The following ZNF469 variants were observed in gnomAD, a reference collection of about 807,000 sequenced individuals.
The protein encoded by ZNF469 is zinc finger protein 469.
Under a neutral mutation model 1.0 loss-of-function variants are expected in ZNF469, and 1 was observed. The ratio of observed to expected loss-of-function variants is 1.00; its 90% CI spans 0.35 to 4.73. ZNF469 has a LOEUF of 4.73. Ranked by LOEUF, ZNF469 falls within the 30% of genes most tolerant of loss-of-function variation. The pLI is 0.16. For missense variants in ZNF469, 6,100 were observed against 5,356.3 expected (o/e 1.14, Z -4.33); for synonymous variants, 2,703 against 2,363.4 (o/e 1.14, Z -4.17).
chr16:88,161,792 G>A, the ZNF469 span, among the ~76,000 whole-genome samples: 7 of 152,200 alleles, frequency 4.6e-5, no homozygotes, highest in African/African-American at 1.7e-4. Flanking sequence ...AGCCGAGGAA[G>A]CCAGATGACG....
At chr16:88,232,334 A>G in the ZNF469 span, among the ~76,000 whole-genome samples, 3 of 152,072 alleles carry the variant, frequency 2.0e-5, no homozygotes, top group Admixed American at 1.3e-4. Context: ...CCCCCACCCA[A>G]TACGGCTGGT....
chr16:88,148,865 G>GC, the ZNF469 span, among the ~76,000 whole-genome samples: 1 of 152,172 alleles, frequency 6.6e-6, no homozygotes, highest in Non-Finnish European at 1.5e-5. Flanking sequence ...GACCTCTTGT[G>GC]CCGGGGGGTT....
rs1268838933 is a variant in ZNF469 at position 88,438,404 on chromosome 16, A to G, written c.10934A>G (p.Gln3645Arg). Residue 3645 changes from glutamine (Q) to arginine (R), a missense_variant, in exon 3 of 3, where the codon CAG becomes CGG. Transcript: ENST00000565624. ...CATTTCCAGGAAGACCACCTACTTC[A>G]GAAAGAGAAGGAGGTGTCCTCAAGC... ...PDHFQEDHLL[Q>R]KEKEVSSSHM... 5 of 1,549,992 alleles carry G rather than the reference A, an allele frequency of 3.2e-6. No individual in the cohort carries two copies. The highest frequency in any genetic ancestry group is 4.4e-6 in the Non-Finnish European group (5 of 1,146,954).
At chr16:88,184,933 G>T in the ZNF469 span, among the ~76,000 whole-genome samples, 1 of 151,902 alleles carries the variant, frequency 6.6e-6, no homozygotes, top group South Asian at 2.1e-4. Flanking sequence ...GTTATGCACA[G>T]ACCCTCACAC....
chr16:88,201,824 C>T, the ZNF469 span, among the ~76,000 whole-genome samples: 6 of 152,334 alleles, frequency 3.9e-5, no homozygotes, highest in East Asian at 1.9e-4. This position sits in a 1 kb window ranked among gnomAD's most constrained non-coding sequence, Gnocchi z 5.0. Context: ...TTCCCTAAGG[C>T]GCCGGCTGCT....
At chr16:88,371,124 C>T in the ZNF469 span, among the ~76,000 whole-genome samples, 41 of 152,378 alleles carry the variant, frequency 2.7e-4, no homozygotes, top group South Asian at 2.1e-3. Flanking sequence ...AATCTAGTTA[C>T]TGTTTAAGCT....
chr16:88,126,546 C>G, the ZNF469 span, among the ~76,000 whole-genome samples: 37 of 136,640 alleles, frequency 2.7e-4, no homozygotes, highest in African/African-American at 9.4e-4. Context: ...CCACAATGAT[C>G]TTATTGTTTT....
the ZNF469 span, among the ~76,000 whole-genome samples, chr16:88,241,230 G>A: frequency 1.3e-5 from 2 of 151,978 alleles, no homozygotes; most frequent in Admixed American, 6.6e-5. The surrounding 1 kb of genome is among the most constrained non-coding windows in gnomAD (Gnocchi z 4.8). Context: ...GTCATGGCAC[G>A]CACCTGTAAT....
the ZNF469 span, among the ~76,000 whole-genome samples, chr16:88,135,088 C>A: frequency 2.0e-5 from 3 of 152,244 alleles, no homozygotes; most frequent in Non-Finnish European, 4.4e-5. Flanking sequence ...GCAGAAGGGG[C>A]TCCTGACCAC....
the ZNF469 span, among the ~76,000 whole-genome samples, chr16:88,288,646 G>A: frequency 6.6e-6 from 1 of 152,212 alleles, no homozygotes; most frequent in South Asian, 2.1e-4. Flanking sequence ...GAATGCTGGA[G>A]CTAGACGGGA....
At position 88,431,895 on chromosome 16, in the gene ZNF469, C is replaced by G. The variant is rs1411336902; in HGVS notation, c.4425C>G (p.Asn1475Lys). The change falls in exon 3 of 3, where the codon AAC becomes AAG. Residue 1475 changes from asparagine (N) to lysine (K), a missense_variant. Transcript: ENST00000565624. ...DPPLYGSLSA[N>K]RDSGLPFACA... is the part of the protein sequence containing the mutation. ...CCCTCTATGGCAGCCTGTCTGCGAA[C>G]AGGGACTCCGGTCTGCCGTTCGCAT... The G allele has an allele frequency of 3.2e-6, 5 of 1,549,884 alleles. No individual in the cohort carries two copies. The East Asian group carries it at 9.8e-5, about 30-fold the overall frequency.
chr16:88,174,044 A>G, the ZNF469 span, among the ~76,000 whole-genome samples: 1 of 152,210 alleles, frequency 6.6e-6, no homozygotes, highest in East Asian at 1.9e-4. Flanking sequence ...CAAATTATGA[A>G]CAACAATTGT....
chr16:88,134,017 C>A, the ZNF469 span, among the ~76,000 whole-genome samples: 3 of 152,082 alleles, frequency 2.0e-5, no homozygotes, highest in African/African-American at 4.8e-5. Flanking sequence ...ATCAATAGAA[C>A]CCCCCCGGAG....
the ZNF469 span, among the ~76,000 whole-genome samples, chr16:88,268,591 A>G: frequency 2.6e-5 from 4 of 152,192 alleles, no homozygotes; most frequent in Admixed American, 6.5e-5. Context: ...CAGGAAGAAC[A>G]TGCAGGGGTC....
At position 88,430,398 on chromosome 16, in the gene ZNF469, C is replaced by T. The variant is rs1254393629; in HGVS notation, c.2928C>T (p.Ser976=). 7.9e-6 allele frequency: 12 copies of T among 1,519,402 alleles called. No homozygotes were observed. In the Admixed American group the frequency reaches 1.6e-4, roughly 20 times the overall value. The allele number at this position is 1,519,402 out of a possible 1,614,324, so 94.1% of individuals were successfully genotyped here. A position where few individuals can be genotyped will look rare whatever the true frequency, so the allele number is the denominator to read the frequency against. The change falls in exon 3 of 3, where the codon TCC becomes TCT. Residue 976 remains serine (S), a synonymous_variant. Coordinates refer to ENST00000565624, the MANE Select transcript of ZNF469 (RefSeq NM_001367624.2). ...GSGSGGGGRA[S]GLRPRRNDGL... ...GGTCGGGCGGCGGCGGCAGAGCCTC[C>T]GGCCTGAGGCCCCGGAGGAACGACG...
chr16:88,439,655 C>T lies in ZNF469; in HGVS notation c.*323C>T. On this transcript the variant is annotated 3_prime_UTR_variant, in exon 3 of 3. Transcript: ENST00000565624. Reference sequence around the variant, plus strand: ...CCCACACCCCTGCGCCCTGTGGGCACCGACACCACAGAAGCCAATGTTTGG... The same window carrying T: ...CCCACACCCCTGCGCCCTGTGGGCATCGACACCACAGAAGCCAATGTTTGG... The T allele has an allele frequency of 1.3e-5, 5 of 370,604 alleles. No homozygotes were observed. The East Asian group carries it at 1.7e-4, about 13-fold the overall frequency. 23.0% of individuals were successfully genotyped at this position (370,604 alleles called of 1,614,324 possible).
the ZNF469 span, among the ~76,000 whole-genome samples, chr16:88,144,149 G>C: frequency 6.6e-6 from 1 of 152,214 alleles, no homozygotes; most frequent in Non-Finnish European, 1.5e-5. Context: ...GCAGAGGCTT[G>C]GTCCAGCCTG....
At chr16:88,341,568 C>A in the ZNF469 span, among the ~76,000 whole-genome samples, 1 of 152,342 alleles carries the variant, frequency 6.6e-6, no homozygotes, top group Admixed American at 6.5e-5. Context: ...AAGCAGGCAC[C>A]TGGGTTCCTA....
chr16:88,214,211 G>A, the ZNF469 span, among the ~76,000 whole-genome samples: 6 of 152,172 alleles, frequency 3.9e-5, no homozygotes, highest in South Asian at 6.2e-4. Context: ...GATACCCCCC[G>A]AAGGATTCAC....
Sources: gnomAD v4.1 joint callset for allele counts (sites outside exome capture counted in the v4.1 genomes callset) on GRCh38, gnomAD v4.1.1 for gene constraint, Gnocchi (gnomAD v3.1) non-coding constraint, MANE v1.5 for transcripts, NCBI Gene and HGNC (gene_info 2026-07-23, HGNC 2026-07-21) for gene names.